REV3L: variants seen among roughly 807,000 people sequenced by gnomAD.
REV3L encodes REV3 like, DNA directed polymerase zeta catalytic subunit.
In REV3L, 69 loss-of-function variants were observed where a neutral mutation model predicts 299.4. The observed-to-expected ratio is 0.23, with a 90% CI of 0.19 to 0.28. The LOEUF is 0.28. Ranked by LOEUF, REV3L falls within the 10% of genes least tolerant of loss-of-function variation. REV3L has a pLI of 1.00. For missense variants in REV3L, 3,128 were observed against 3,693.8 expected (o/e 0.85, Z 3.97); for synonymous variants, 1,238 against 1,271.4 (o/e 0.97, Z 0.56).
intron 1 of REV3L, among the ~76,000 whole-genome samples, chr6:111,450,381 A>G (rs1040794518): frequency 1.4e-5 from 2 of 143,420 alleles, no homozygotes; most frequent in African/African-American, 5.1e-5. Flanking sequence ...CAGGAGGCTG[A>G]GATGGGAGGA....
At chr6:111,419,876 G>A (rs542223167) in intron 1 of REV3L, among the ~76,000 whole-genome samples, 17 of 150,866 alleles carry the variant, frequency 1.1e-4, no homozygotes, top group Admixed American at 7.9e-4. Context: ...ATGGAGTCTC[G>A]CTCTGTCACC....
chr6:111,333,964 A>T (rs963172588), intron 22 of REV3L, among the ~76,000 whole-genome samples: 2 of 152,070 alleles, frequency 1.3e-5, no homozygotes, highest in African/African-American at 2.4e-5. Context: ...TTTGAGATGA[A>T]GTCTCGCTCT....
At chr6:111,392,470 A>G (rs1562243596) in intron 5 of REV3L, among the ~76,000 whole-genome samples, 1 of 152,186 alleles carries the variant, frequency 6.6e-6, no homozygotes, top group Non-Finnish European at 1.5e-5. Flanking sequence ...GAGCATGTCA[A>G]AATACTTTAT....
At chr6:111,407,546 G>C (rs1783775597) in intron 3 of REV3L, among the ~76,000 whole-genome samples, 1 of 152,162 alleles carries the variant, frequency 6.6e-6, no homozygotes, top group Admixed American at 6.5e-5. Flanking sequence ...CAAAAAGTAA[G>C]GACCTAAAAT....
intron 25 of REV3L, among the ~76,000 whole-genome samples, chr6:111,323,367 ATCTC>A (rs1373727402): frequency 6.6e-6 from 1 of 152,190 alleles, no homozygotes; most frequent in Admixed American, 6.5e-5. Context: ...ATGTACGTGT[ATCTC>A]TCAAAATTTT....
chr6:111,440,279 G>C (rs1788104879), intron 1 of REV3L, among the ~76,000 whole-genome samples: 1 of 152,152 alleles, frequency 6.6e-6, no homozygotes, highest in African/African-American at 2.4e-5. Flanking sequence ...ATGTTGGTCA[G>C]GCTGGTCTCA....
intron 1 of REV3L, among the ~76,000 whole-genome samples, chr6:111,444,899 G>T (rs116261051): frequency 0.016 from 2,369 of 152,318 alleles, 53 homozygotes; most frequent in African/African-American, 0.053. Context: ...CTGGCAAAGA[G>T]AACTGAATAC....
intron 1 of REV3L, among the ~76,000 whole-genome samples, chr6:111,439,918 T>C (rs1348339767): frequency 6.6e-6 from 1 of 152,160 alleles, no homozygotes; most frequent in Non-Finnish European, 1.5e-5. Flanking sequence ...GGCTATACAA[T>C]TTTGCTTCAG....
At chr6:111,439,474 G>A (rs11963233) in intron 1 of REV3L, among the ~76,000 whole-genome samples, 5,005 of 152,252 alleles carry the variant, frequency 0.033, 117 homozygotes, top group Admixed American at 0.07. Flanking sequence ...AAAACTACAC[G>A]AAAAGTTGCC....
At chr6:111,387,543 A>T (rs17510754) in intron 9 of REV3L, among the ~76,000 whole-genome samples, 4,581 of 152,306 alleles carry the variant, frequency 0.03, 80 homozygotes, top group South Asian at 0.079. Flanking sequence ...CAAACATTAT[A>T]AGAAAATATA....
intron 4 of REV3L, 71 bp from the exon 5 acceptor site, chr6:111,393,043 T>A (rs1782099055): frequency 1.9e-5 from 9 of 476,632 alleles, no homozygotes; most frequent in East Asian, 6.7e-5. Context: ...AGAAGGTAAA[T>A]TTTTTTTTTT....
At chr6:111,350,550 G>GA (rs1365208682) in intron 19 of REV3L, among the ~76,000 whole-genome samples, 1 of 150,914 alleles carries the variant, frequency 6.6e-6, no homozygotes, top group Non-Finnish European at 1.5e-5. Context: ...TTCATGGAAT[G>GA]AAAAGCTAAA....
chr6:111,345,173 T>C (rs1314270425), intron 20 of REV3L, among the ~76,000 whole-genome samples: 1 of 152,132 alleles, frequency 6.6e-6, no homozygotes, highest in Non-Finnish European at 1.5e-5. Context: ...TTCTACTAAA[T>C]AGTTCTACTA....
In REV3L at chr6:111,374,550, G is replaced by C. The variant is rs753216430; in HGVS notation, c.3805C>G (p.Leu1269Val). The change falls in exon 13 of 32, where the codon CTA becomes GTA. Residue 1269 changes from leucine to valine, a missense_variant. Around this residue, in one of 9 missense-constraint regions of REV3L, gnomAD observed 2,409 missense variants for 2,611.8 expected, o/e 0.92. Coordinates refer to ENST00000368802, the MANE Select transcript of REV3L (RefSeq NM_001372078.1). The part of the protein sequence containing the change: ...QLLFKQKDMP[L>V]MGSAVDHPLS... ...GGATGATCTACAGCAGAGCCCATTA[G>C]TGGCATATCTTTCTGTTTAAAAAGT... The C allele has an allele frequency of 2.5e-6, 4 of 1,613,942 alleles. No homozygotes were observed. Among genetic ancestry groups the C allele is most frequent in the Non-Finnish European group, 3.4e-6 (4 of 1,179,938 alleles).
At chr6:111,481,567 C>G (rs1001593845) in intron 1 of REV3L, among the ~76,000 whole-genome samples, 1 of 152,066 alleles carries the variant, frequency 6.6e-6, no homozygotes, top group African/African-American at 2.4e-5. Context: ...TTTGGGAAAG[C>G]GCTATTATCT....
intron 1 of REV3L, among the ~76,000 whole-genome samples, chr6:111,433,763 C>G (rs1265756265): frequency 6.6e-6 from 1 of 152,138 alleles, no homozygotes; most frequent in African/African-American, 2.4e-5. Flanking sequence ...AAGAAGACTA[C>G]AGGCCAACAT....
At chr6:111,470,877 G>C (rs1364075065) in intron 1 of REV3L, among the ~76,000 whole-genome samples, 1 of 151,244 alleles carries the variant, frequency 6.6e-6, no homozygotes, top group East Asian at 1.9e-4. Context: ...CTACTTGGGA[G>C]GCTGAGGCAG....
intron 3 of REV3L, among the ~76,000 whole-genome samples, chr6:111,408,847 C>A (rs1783935681): frequency 6.6e-6 from 1 of 152,060 alleles, no homozygotes. Flanking sequence ...ACAAGCCCAA[C>A]TAATTTTTGT....
chr6:111,333,026 G>C lies in REV3L; in HGVS notation c.7925+97C>G, dbSNP rs911353034. The C allele has an allele frequency of 2.2e-6, 3 of 1,392,342 alleles. No individual in the cohort carries two copies. In the South Asian group the frequency reaches 4.0e-5, roughly 19 times the overall value. 86.2% of individuals were successfully genotyped at this position (1,392,342 alleles called of 1,614,324 possible). A position where few individuals can be genotyped will look rare whatever the true frequency, so the allele number is the denominator to read the frequency against. ...ACAGTCCATTTATCTTGCTCATAGG[G>C]AAGGTGTCCAGAGCAAAGAGACACT... On this transcript the variant is annotated intron_variant, in intron 23 of 31. Coordinates refer to ENST00000368802, the MANE Select transcript of REV3L (RefSeq NM_001372078.1).
Sources: gnomAD v4.1 joint callset for allele counts (sites outside exome capture counted in the v4.1 genomes callset) on GRCh38, gnomAD v4.1.1 for gene constraint, gnomAD v4.1.1 regional missense constraint, MANE v1.5 for transcripts, NCBI Gene and HGNC (gene_info 2026-07-23, HGNC 2026-07-21) for gene names.